FOXP2: variants seen among roughly 807,000 people sequenced by gnomAD.
FOXP2 encodes the protein forkhead box protein P2.
A neutral mutation model predicts 115.8 loss-of-function variants in FOXP2; 12 were observed. That is an observed-to-expected ratio of 0.10 (90% CI 0.07 to 0.17). The LOEUF is 0.17. FOXP2 is among the 10% of genes least tolerant of loss of function. FOXP2 has a pLI of 1.00. For synonymous variants in FOXP2, 328 were observed against 297.7 expected (o/e 1.10, Z -1.05); for missense variants, 629 against 843.5 (o/e 0.75, Z 3.15).
At chr7:114,166,143 A>G (rs1455063523) in intron 1 of FOXP2, among the ~76,000 whole-genome samples, 1 of 152,160 alleles carries the variant, frequency 6.6e-6, no homozygotes, top group Non-Finnish European at 1.5e-5. Flanking sequence ...AAAACAAAAA[A>G]CTATAAAACT....
intron 3 of FOXP2, among the ~76,000 whole-genome samples, chr7:114,568,425 T>G (rs1000763046): frequency 7.6e-5 from 11 of 145,528 alleles, no homozygotes; most frequent in East Asian, 2.0e-4. Flanking sequence ...GTCTTGTGGG[T>G]TTTTTTTTGG....
intron 2 of FOXP2, among the ~76,000 whole-genome samples, chr7:114,372,091 A>C: frequency 6.6e-6 from 1 of 152,190 alleles, no homozygotes; most frequent in East Asian, 1.9e-4. Flanking sequence ...GAACTATGAG[A>C]AACAAATACT....
intron 1 of FOXP2, among the ~76,000 whole-genome samples, chr7:114,175,405 T>C (rs1363287600): frequency 1.3e-5 from 2 of 152,168 alleles, no homozygotes; most frequent in African/African-American, 4.8e-5. Flanking sequence ...ATTTTTGTTA[T>C]AGCCATGGGT....
In FOXP2 at chr7:114,104,861, ATGT is replaced by A. The variant is rs1178455149; in HGVS notation, c.-247+17025_-247+17027del. ...TGTTTTAACATAATAAGATTGTAAA[ATGT>A]TATCATGATGCTGAGGAAATATCTT... is the stretch of plus-strand genomic sequence containing the variant. On this transcript the variant is annotated intron_variant, in intron 1 of 19. Transcript: ENST00000635638. 3.9e-5 allele frequency among the ~76,000 whole-genome samples: 6 copies of A among 152,044 alleles called. No individual in the cohort carries two copies. The East Asian group carries it at 1.2e-3, about 29-fold the overall frequency.
intron 8 of FOXP2, among the ~76,000 whole-genome samples, chr7:114,649,954 A>T (rs1026942574): frequency 4.6e-5 from 7 of 152,152 alleles, no homozygotes; most frequent in African/African-American, 1.7e-4. Flanking sequence ...ATAGAGGCTC[A>T]TTACTGAACA....
At chr7:114,235,247 T>A (rs1794981176) in intron 1 of FOXP2, among the ~76,000 whole-genome samples, 1 of 152,220 alleles carries the variant, frequency 6.6e-6, no homozygotes, top group Non-Finnish European at 1.5e-5. Context: ...TATTCTTATG[T>A]CTATGTTCAT....
chr7:114,201,891 T>C (rs1794076605), intron 1 of FOXP2, among the ~76,000 whole-genome samples: 1 of 152,334 alleles, frequency 6.6e-6, no homozygotes, highest in Admixed American at 6.5e-5. Context: ...AGCAGTCAAA[T>C]ATTTGAGTAC....
intron 2 of FOXP2, among the ~76,000 whole-genome samples, chr7:114,512,091 T>C (rs1798106088): frequency 1.3e-5 from 2 of 152,198 alleles, no homozygotes; most frequent in Non-Finnish European, 2.9e-5. Context: ...TTGGATATTC[T>C]TTTTTGTTAA....
At chr7:114,608,233 T>C (rs1003732559) in intron 3 of FOXP2, among the ~76,000 whole-genome samples, 2 of 152,110 alleles carry the variant, frequency 1.3e-5, no homozygotes, top group African/African-American at 4.8e-5. Context: ...GTGTGGATCA[T>C]CTAGGTCCTT....
chr7:114,167,512 T>C (rs1283748596), intron 1 of FOXP2, among the ~76,000 whole-genome samples: 2 of 152,140 alleles, frequency 1.3e-5, no homozygotes, highest in Non-Finnish European at 2.9e-5. Flanking sequence ...CCAAATCTCA[T>C]TTCATAGCTC....
chr7:114,156,513 C>T lies in FOXP2; in HGVS notation c.-246-6431C>T, dbSNP rs1055581621. ...TTGCCAATGAGAAAATCTTTGAATCCACCTATGACCGGGAGACCCATTCCC... is the reference window on the plus strand; with the variant it reads ...TTGCCAATGAGAAAATCTTTGAATCTACCTATGACCGGGAGACCCATTCCC... On this transcript the variant is annotated intron_variant, in intron 1 of 19. Coordinates refer to the FOXP2 transcript ENST00000635638. Among the ~76,000 whole-genome samples, 98 of 152,262 alleles carry T rather than the reference C, an allele frequency of 6.4e-4. 1 individual carries two copies. The highest frequency in any genetic ancestry group is 2.3e-3 in the African/African-American group (95 of 41,562).
At chr7:114,163,867 G>A (rs1792902068) in intron 1 of FOXP2, among the ~76,000 whole-genome samples, 1 of 152,264 alleles carries the variant, frequency 6.6e-6, no homozygotes, top group East Asian at 1.9e-4. Context: ...TTAACTGCCA[G>A]AAATTTGACT....
chr7:114,411,936 G>A (rs1298565024), upstream of FOXP2, among the ~76,000 whole-genome samples: 2 of 152,064 alleles, frequency 1.3e-5, no homozygotes, highest in African/African-American at 4.8e-5. Context: ...TATTCAATGT[G>A]TTTTTGAAAT....
chr7:114,418,556 AAAAG>A (rs1199086256), intron 1 of FOXP2, among the ~76,000 whole-genome samples: 2 of 151,898 alleles, frequency 1.3e-5, no homozygotes, highest in Non-Finnish European at 2.9e-5. Context: ...ATAGAAGAAA[AAAAG>A]AAAGAGAAAA....
chr7:114,516,052 AAAACTACT>A (rs1429266616), intron 2 of FOXP2, among the ~76,000 whole-genome samples: 1 of 152,224 alleles, frequency 6.6e-6, no homozygotes, highest in Non-Finnish European at 1.5e-5. Context: ...AGAATTGGAA[AAAACTACT>A]TTAAAGTTCA....
intron 1 of FOXP2, among the ~76,000 whole-genome samples, chr7:114,276,116 G>T (rs966100358): frequency 6.6e-6 from 1 of 152,068 alleles, no homozygotes; most frequent in Admixed American, 6.6e-5. Context: ...TGAGATCAAG[G>T]CTTGTTGAGA....
intron 3 of FOXP2, among the ~76,000 whole-genome samples, chr7:114,588,663 C>T (rs977597391): frequency 1.3e-5 from 2 of 152,056 alleles, no homozygotes; most frequent in Non-Finnish European, 2.9e-5. Flanking sequence ...TTGAATAAAT[C>T]CAAGCATATT....
At chr7:114,228,365 A>C in intron 1 of FOXP2, among the ~76,000 whole-genome samples, 1 of 152,012 alleles carries the variant, frequency 6.6e-6, no homozygotes, top group East Asian at 1.9e-4. Context: ...TGCCTTTATT[A>C]GCTTTTCATG....
intron 1 of FOXP2, among the ~76,000 whole-genome samples, chr7:114,241,070 G>A (rs1795139401): frequency 6.6e-6 from 1 of 151,952 alleles, no homozygotes; most frequent in Non-Finnish European, 1.5e-5. Context: ...TAGATAAAAT[G>A]TGATTCATGA....
Sources: gnomAD v4.1 joint callset for allele counts (sites outside exome capture counted in the v4.1 genomes callset) on GRCh38, gnomAD v4.1.1 for gene constraint, MANE v1.5 for transcripts, NCBI Gene and HGNC (gene_info 2026-07-23, HGNC 2026-07-21) for gene names.